IKBKE: variants seen among roughly 807,000 people sequenced by gnomAD.
IKBKE encodes inhibitor of nuclear factor kappa-B kinase subunit epsilon.
Under a neutral mutation model 92.1 loss-of-function variants are expected in IKBKE, and 45 were observed. The ratio of observed to expected loss-of-function variants is 0.49; its 90% CI spans 0.38 to 0.63. IKBKE has a LOEUF of 0.63. IKBKE is among the 20% of genes least tolerant of loss of function. The pLI, the probability that IKBKE is intolerant of heterozygous loss-of-function variation, is 0.00. For missense variants in IKBKE, 700 were observed against 932.8 expected, an observed-to-expected ratio of 0.75 and a Z score of 3.25; for synonymous variants, 374 against 380.3, an observed-to-expected ratio of 0.98 and a Z score of 0.19.
intron 17 of IKBKE, chr1:206,491,140 C>A: frequency 1.9e-6 from 1 of 520,132 alleles, no homozygotes. Flanking sequence ...ACTGATGCAC[C>A]ACTTACCACT....
intron 4 of IKBKE, 99 bp from the exon 5 acceptor site, chr1:206,474,766 G>A: frequency 1.4e-6 from 2 of 1,445,900 alleles, no homozygotes; most frequent in Non-Finnish European, 1.9e-6. Flanking sequence ...GCTGGGACCT[G>A]GAGAATGGGG....
In IKBKE at chr1:206,494,056, T is replaced by G. The variant is rs186319458; in HGVS notation, c.2117+65T>G. On this transcript the variant is annotated intron_variant, in intron 21 of 21. Transcript: ENST00000581977. ...TCAAGCTACCCTTGCCTGGGGGTGGTGAAGAGTCCCCAAGCCTGCCCATGC... is the reference window on the plus strand; with the variant it reads ...TCAAGCTACCCTTGCCTGGGGGTGGGGAAGAGTCCCCAAGCCTGCCCATGC... The G allele has an allele frequency of 1.1e-4, 151 of 1,398,578 alleles. No homozygotes were observed. The African/African-American group carries it at 1.8e-3, about 17-fold the overall frequency. The allele number at this position is 1,398,578 out of a possible 1,614,324, so 86.6% of individuals were successfully genotyped here.
At chr1:206,489,293 A>T (rs895070279) in intron 16 of IKBKE, among the ~76,000 whole-genome samples, 3 of 147,632 alleles carry the variant, frequency 2.0e-5, no homozygotes, top group East Asian at 3.9e-4. Flanking sequence ...ACATATATAT[A>T]ACATTTATAA....
chr1:206,490,772 CG>C lies in IKBKE; in HGVS notation c.1694-46del. 6.3e-7 allele frequency: 1 copy of C among 1,593,354 alleles called. No homozygotes were observed. The highest frequency in any genetic ancestry group is 1.1e-5 in the South Asian group (1 of 90,632). The stretch of plus-strand genomic sequence containing the variant: ...TCTCGACCTTTGCTGCACACTGTTT[CG>C]TTGACTGATTGAATAGGTGACATCT... On this transcript the variant is annotated intron_variant, in intron 16 of 21. Transcript: ENST00000581977. This position sits in a 1 kb window ranked among gnomAD's most constrained non-coding sequence, Gnocchi z 5.2.
intron 5 of IKBKE, among the ~76,000 whole-genome samples, chr1:206,475,682 A>G (rs1025947060): frequency 1.4e-5 from 2 of 146,260 alleles, no homozygotes; most frequent in Admixed American, 1.4e-4. Flanking sequence ...GATTGCAGTG[A>G]GCTGAGATTG....
rs1553386572 is a variant in IKBKE, at chr1:206,480,035, C to T, written c.1262C>T (p.Ala421Val). 1 of 1,608,770 alleles carries T rather than the reference C, an allele frequency of 6.2e-7. No homozygotes were observed. Among genetic ancestry groups the T allele is most frequent in the Non-Finnish European group, 8.5e-7 (1 of 1,177,936 alleles). The change falls in exon 12 of 22, where the codon GCC (alanine) becomes GTC (valine). Residue 421 changes from alanine (A) to valine (V), a missense_variant. Transcript: ENST00000581977. ...DYNTAKGVLG[A>V]GYQALRLARA... ...TCTGTGTTTCAGGGCGTGTTGGGCG[C>T]CGGCTACCAGGCCCTGCGGCTGGCA... is the stretch of plus-strand genomic sequence containing the variant.
At chr1:206,495,547 C>T (rs1231636180) in intron 21 of IKBKE, among the ~76,000 whole-genome samples, 3 of 152,112 alleles carry the variant, frequency 2.0e-5, no homozygotes, top group Admixed American at 1.3e-4. Context: ...AGGGAGGAAT[C>T]TCCTCCCTGT....
At chr1:206,477,278 G>T (rs1392616570) in intron 7 of IKBKE, among the ~76,000 whole-genome samples, 1 of 151,870 alleles carries the variant, frequency 6.6e-6, no homozygotes, top group Non-Finnish European at 1.5e-5. Context: ...ACAGCCCAGA[G>T]CAGAGGAGAT....
intron 1 of IKBKE, among the ~76,000 whole-genome samples, chr1:206,470,913 C>T (rs1664740322): frequency 6.6e-6 from 1 of 152,242 alleles, no homozygotes; most frequent in African/African-American, 2.4e-5. Context: ...GCGATCAGCA[C>T]CCAGCGCCTG....
Position 206,485,222 on chromosome 1 carries a change from A to C in IKBKE, c.1532A>C (p.Gln511Pro), listed in dbSNP as rs1000180372. 1.2e-6 allele frequency: 2 copies of C among 1,613,788 alleles called. No homozygotes were observed. Among genetic ancestry groups the C allele is most frequent in the Admixed American group, 1.7e-5 (1 of 59,994 alleles). ...TLAEVLSRCS[Q>P]NITETQESLS... is the part of the protein sequence containing the mutation. ...GCGGAGGTCCTCTCCAGATGCTCCC[A>C]AAATATCACGGAGACCCAGGAGAGC... is the stretch of plus-strand genomic sequence containing the variant. The change falls in exon 15 of 22, where the codon CAA (glutamine) becomes CCA (proline). Residue 511 changes from glutamine to proline, a missense_variant. Gln to Pro is a moderately conservative substitution (Grantham distance 76). Coordinates refer to ENST00000581977, the MANE Select transcript of IKBKE (RefSeq NM_014002.4). The surrounding 1 kb of genome is among the most constrained non-coding windows in gnomAD (Gnocchi z 5.0).
Position 206,476,648 on chromosome 1 carries a change from C to A in IKBKE, c.541-30C>A. The A allele has an allele frequency of 6.2e-7, 1 of 1,613,750 alleles. No individual in the cohort carries two copies. Among genetic ancestry groups the A allele is most frequent in the Non-Finnish European group, 8.5e-7 (1 of 1,179,812 alleles). ...TCAGGCCCTTGCCAGCCCTCCGGCT[C>A]CATGGCCTCATTCTGGTTCTCTCCG... On this transcript the variant is annotated intron_variant, in intron 6 of 21. Transcript: ENST00000581977. The surrounding 1 kb of genome is among the most constrained non-coding windows in gnomAD (Gnocchi z 5.1).
chr1:206,493,006 C>G lies in IKBKE; in HGVS notation c.1836-17C>G. The G allele has an allele frequency of 6.4e-7, 1 of 1,555,206 alleles. No individual in the cohort carries two copies. Among genetic ancestry groups the G allele is most frequent in the Non-Finnish European group, 8.7e-7 (1 of 1,148,016 alleles). The stretch of plus-strand genomic sequence containing the variant: ...TGAGTCCTGCTCTAATTCTAAGTCT[C>G]TGTGTGTTCTCTTGAGGGTGGTGCA... On this transcript the variant is annotated splice_polypyrimidine_tract_variant and intron_variant, in intron 18 of 21. Transcript: ENST00000581977.
intron 13 of IKBKE, among the ~76,000 whole-genome samples, 180 bp downstream of exon 13, chr1:206,480,713 A>G (rs1226871544): frequency 6.6e-6 from 1 of 152,026 alleles, no homozygotes; most frequent in Non-Finnish European, 1.5e-5. Context: ...AATAACTGCA[A>G]TGGCTCCCCC....
intron 8 of IKBKE, 123 bp downstream of exon 8, chr1:206,477,982 C>T (rs1665162869): frequency 1.2e-6 from 1 of 867,158 alleles, no homozygotes; most frequent in Non-Finnish European, 1.8e-6. Context: ...CTTGGGCACA[C>T]CACTTTCCCA....
intron 2 of IKBKE, among the ~76,000 whole-genome samples, chr1:206,472,395 C>T (rs1664822876): frequency 6.6e-6 from 1 of 152,130 alleles, no homozygotes; most frequent in African/African-American, 2.4e-5. Context: ...GATACACTTT[C>T]TGGTACTAAT....
Position 206,476,632 on chromosome 1 carries a change from T to C in IKBKE, c.541-46T>C. 1 of 1,611,236 alleles carries C rather than the reference T, an allele frequency of 6.2e-7. No homozygotes were observed. Among genetic ancestry groups the C allele is most frequent in the South Asian group, 1.1e-5 (1 of 90,700 alleles). ...GGGGGTCTGACAGGTCTCAGGCCCTTGCCAGCCCTCCGGCTCCATGGCCTC... is the reference window on the plus strand; with the variant it reads ...GGGGGTCTGACAGGTCTCAGGCCCTCGCCAGCCCTCCGGCTCCATGGCCTC... On this transcript the variant is annotated intron_variant, in intron 6 of 21. Transcript: ENST00000581977. The surrounding 1 kb of genome is among the most constrained non-coding windows in gnomAD (Gnocchi z 5.1).
Position 206,476,722 on chromosome 1 carries a change from A to G in IKBKE, c.585A>G (p.Gln195=), listed in dbSNP as rs41296034. 122,276 of 1,614,208 alleles carry G rather than the reference A, an allele frequency of 0.076. 5,701 individuals carry two copies. Among genetic ancestry groups the G allele is most frequent in the Non-Finnish European group, 0.095 (111,831 of 1,180,014 alleles). Residue 195 remains glutamine (Q), a synonymous_variant, in exon 7 of 22, where the codon CAA becomes CAG. Transcript: ENST00000581977. This position sits in a 1 kb window ranked among gnomAD's most constrained non-coding sequence, Gnocchi z 5.1. ...GGGCGGTGCTTCGAAAGCCCCAGCAAAAAGCGTTCGGGGTGACTGTGGATC... is the reference window on the plus strand; with the variant it reads ...GGGCGGTGCTTCGAAAGCCCCAGCAGAAAGCGTTCGGGGTGACTGTGGATC... ...YERAVLRKPQ[Q]KAFGVTVDLW...
rs782797055 is a variant in IKBKE, at chr1:206,476,316, A to G, written c.494A>G (p.Asp165Gly). ...LTDFGAAREL[D>G]DDEKFVSVYG... ...GACTTCGGCGCTGCCCGGGAGCTGG[A>G]TGATGATGAGAAGTTCGTCTCGGTC... The change falls in exon 6 of 22, where the codon GAT becomes GGT. Residue 165 changes from aspartate (D) to glycine (G), a missense_variant. By Grantham distance (94) the Asp-to-Gly change is moderately conservative. Coordinates refer to ENST00000581977, the MANE Select transcript of IKBKE (RefSeq NM_014002.4). This position sits in a 1 kb window ranked among gnomAD's most constrained non-coding sequence, Gnocchi z 5.1. 9.3e-6 allele frequency: 15 copies of G among 1,614,000 alleles called. No homozygotes were observed. Among genetic ancestry groups the G allele is most frequent in the Non-Finnish European group, 1.3e-5 (15 of 1,179,902 alleles).
rs1665986384 is a variant in IKBKE at position 206,492,327 on chromosome 1, C to T, written c.1835+578C>T. On this transcript the variant is annotated intron_variant, in intron 18 of 21. Coordinates refer to ENST00000581977, the MANE Select transcript of IKBKE (RefSeq NM_014002.4). ...CATCCCCTGCCTGTGTGAACACTGG[C>T]CCCTCCTGAGAAGAGAGGACAATTT... 3 of 407,868 alleles carry T rather than the reference C, an allele frequency of 7.4e-6. No individual in the cohort carries two copies. In the Admixed American group the frequency reaches 8.4e-5, roughly 11 times the overall value. 25.3% of individuals were successfully genotyped at this position (407,868 alleles called of 1,614,324 possible).
Sources: gnomAD v4.1 joint callset for allele counts (sites outside exome capture counted in the v4.1 genomes callset) on GRCh38, gnomAD v4.1.1 for gene constraint, Gnocchi (gnomAD v3.1) non-coding constraint, MANE v1.5 for transcripts, NCBI Gene and HGNC (gene_info 2026-07-23, HGNC 2026-07-21) for gene names.